EDAR: variants seen among roughly 807,000 people sequenced by gnomAD.
EDAR encodes tumor necrosis factor receptor superfamily member EDAR.
A neutral mutation model predicts 51.3 loss-of-function variants in EDAR; 38 were observed. That is an observed-to-expected ratio of 0.74 (90% CI 0.57 to 0.97). The LOEUF (loss-of-function observed/expected upper bound fraction) is 0.97. EDAR is among the 50% of genes least tolerant of loss of function. The pLI is 0.00. For synonymous variants in EDAR, 227 were observed against 242.1 expected (o/e 0.94, Z 0.58); for missense variants, 528 against 595.0 (o/e 0.89, Z 1.17).
chr2:108,983,353 G>T (rs1428149733), intron 1 of EDAR, among the ~76,000 whole-genome samples: 1 of 152,152 alleles, frequency 6.6e-6, no homozygotes, highest in African/African-American at 2.4e-5. Flanking sequence ...TATTTTTAAG[G>T]ATTAGGATTT....
chr2:108,976,044 C>A (rs1284050970), intron 1 of EDAR, among the ~76,000 whole-genome samples: 1 of 152,164 alleles, frequency 6.6e-6, no homozygotes, highest in African/African-American at 2.4e-5. Context: ...CAGTGGTCAT[C>A]CCTGATGAAC....
At chr2:108,919,132 G>C (rs1310864719) in intron 5 of EDAR, among the ~76,000 whole-genome samples, 1 of 152,148 alleles carries the variant, frequency 6.6e-6, no homozygotes, top group Non-Finnish European at 1.5e-5. Context: ...GCCGGTGTCT[G>C]GGAGGCTGGG....
intron 5 of EDAR, among the ~76,000 whole-genome samples, chr2:108,920,331 A>C (rs1697112171): frequency 6.6e-6 from 1 of 152,168 alleles, no homozygotes; most frequent in Non-Finnish European, 1.5e-5. Flanking sequence ...AATGAAATCC[A>C]AGCCTGATGC....
chr2:108,906,256 TTCA>T, intron 11 of EDAR, 49 bp downstream of exon 11: 1 of 1,595,236 alleles, frequency 6.3e-7, no homozygotes, highest in Non-Finnish European at 8.6e-7. Context: ...GGCCCAGCCC[TTCA>T]TGTCGGTGGG....
chr2:108,971,635 C>T (rs989054863), intron 1 of EDAR, among the ~76,000 whole-genome samples: 8 of 152,284 alleles, frequency 5.3e-5, no homozygotes, highest in Middle Eastern at 3.4e-3. Flanking sequence ...AGGATCAGCT[C>T]TCTCATTTTA....
At chr2:108,940,066 A>G (rs1336901608) in intron 1 of EDAR, 5 of 152,282 alleles carry the variant, frequency 3.3e-5, no homozygotes, top group African/African-American at 7.2e-5. Context: ...GAAGACATCA[A>G]TTTGACTGAG....
At chr2:108,923,880 A>C (rs1164934174) in intron 4 of EDAR, among the ~76,000 whole-genome samples, 1 of 152,224 alleles carries the variant, frequency 6.6e-6, no homozygotes, top group Admixed American at 6.5e-5. Context: ...CCTGCAGCCT[A>C]GTGGGATTAT....
chr2:108,930,010 G>C, intron 3 of EDAR, 110 bp downstream of exon 3: 1 of 1,366,706 alleles, frequency 7.3e-7, no homozygotes, highest in Admixed American at 2.3e-5. Context: ...CGGCTGGTTT[G>C]ATATACCCTG....
At chr2:108,980,396 C>A (rs1265420915) in intron 1 of EDAR, among the ~76,000 whole-genome samples, 1 of 152,022 alleles carries the variant, frequency 6.6e-6, no homozygotes, top group African/African-American at 2.4e-5. Flanking sequence ...GCACGCCCTG[C>A]CGCTCACCTC....
intron 8 of EDAR, 57 bp from the exon 9 acceptor site, chr2:108,910,589 C>G: frequency 6.7e-7 from 1 of 1,491,772 alleles, no homozygotes; most frequent in Non-Finnish European, 9.3e-7. Flanking sequence ...CATGGCTCTG[C>G]GCTCAGCCCA....
chr2:108,918,054 G>A (rs1242031228), intron 5 of EDAR, among the ~76,000 whole-genome samples: 1 of 152,118 alleles, frequency 6.6e-6, no homozygotes, highest in Non-Finnish European at 1.5e-5. Flanking sequence ...TTGAATGCAC[G>A]TGATGTCTAA....
At chr2:108,946,892 T>G (rs749274579) in intron 1 of EDAR, among the ~76,000 whole-genome samples, 11 of 127,272 alleles carry the variant, frequency 8.6e-5, no homozygotes, top group Non-Finnish European at 1.4e-4. Context: ...CTCCCAAATC[T>G]CATCTTTTTT....
At chr2:108,952,636 C>T (rs562807040) in intron 1 of EDAR, among the ~76,000 whole-genome samples, 1 of 152,282 alleles carries the variant, frequency 6.6e-6, no homozygotes, top group East Asian at 1.9e-4. Context: ...TTCTTTAAAT[C>T]CTTGAACATA....
At chr2:108,984,683 T>A (rs530063822) in intron 1 of EDAR, among the ~76,000 whole-genome samples, 1 of 151,476 alleles carries the variant, frequency 6.6e-6, no homozygotes, top group South Asian at 2.1e-4. Flanking sequence ...GCCCTGCTAG[T>A]TTGTTTGTTT....
Position 108,896,809 on chromosome 2 carries a change from AG to A in EDAR, c.*97del. The A allele has an allele frequency of 1.6e-6, 2 of 1,232,520 alleles. No individual in the cohort carries two copies. The highest frequency in any genetic ancestry group is 2.3e-6 in the Non-Finnish European group (2 of 875,424). The allele number at this position is 1,232,520 out of a possible 1,614,324, so 76.3% of individuals were successfully genotyped here. A position where few individuals can be genotyped will look rare whatever the true frequency, so the allele number is the denominator to read the frequency against. On this transcript the variant is annotated 3_prime_UTR_variant, in exon 12 of 12. Coordinates refer to ENST00000258443, the MANE Select transcript of EDAR (RefSeq NM_022336.4). Reference sequence around the variant, plus strand: ...AAGGCATACGGTGACATATCACAAAAGCCTTGATTCTTGGCAGTCTTTTGGC... The same window carrying A: ...AAGGCATACGGTGACATATCACAAAACCTTGATTCTTGGCAGTCTTTTGGC...
chr2:108,973,091 C>A (rs7609321), intron 1 of EDAR, among the ~76,000 whole-genome samples: 151,372 of 152,238 alleles, frequency 0.99, 75,264 homozygotes, highest in Middle Eastern at 1. Context: ...GGTTCAAGCA[C>A]CTCTCATGCG....
rs374382388 is a variant in EDAR, at chr2:108,947,132, C to T, written c.-18-16100G>A. ...GCCAAAACAAAGGGGCCATAGGCCC[C>T]ATGCAAAAGTCTGAAACCTGGCCGG... On this transcript the variant is annotated intron_variant, in intron 1 of 11. Transcript: ENST00000258443. 2.6e-4 allele frequency among the ~76,000 whole-genome samples: 39 copies of T among 152,332 alleles called. 1 individual carries two copies. The South Asian group carries it at 8.1e-3, about 32-fold the overall frequency.
chr2:108,909,082 G>A (rs1047674438), intron 9 of EDAR, among the ~76,000 whole-genome samples: 7 of 152,158 alleles, frequency 4.6e-5, no homozygotes, highest in African/African-American at 1.4e-4. Flanking sequence ...GTCTTTTAAC[G>A]TACAAGTGTC....
At chr2:108,945,202 G>A (rs188532660) in intron 1 of EDAR, among the ~76,000 whole-genome samples, 1 of 152,108 alleles carries the variant, frequency 6.6e-6, no homozygotes, top group Non-Finnish European at 1.5e-5. Flanking sequence ...GGGTGGGGGC[G>A]AGCTCCCCGT....
Sources: allele counts gnomAD v4.1 joint callset (sites outside exome capture counted in the v4.1 genomes callset), GRCh38; gene constraint gnomAD v4.1.1; transcripts MANE v1.5; gene names NCBI Gene and HGNC (gene_info 2026-07-23, HGNC 2026-07-21).